ERBB4: variants seen among roughly 807,000 people sequenced by gnomAD.
ERBB4 encodes the protein erb-b2 receptor tyrosine kinase 4.
ERBB4 carries 42 observed loss-of-function variants against 158.0 expected under a neutral mutation model. That is an observed-to-expected ratio of 0.27 (90% CI 0.21 to 0.34). ERBB4 has a LOEUF of 0.34. Among genes scored for constraint, ERBB4 ranks in the 10% least tolerant of loss-of-function variants. The pLI, the probability that ERBB4 is intolerant of heterozygous loss-of-function variation, is 1.00. For missense variants in ERBB4, 1,333 were observed against 1,624.1 expected, an observed-to-expected ratio of 0.82 and a Z score of 3.08; for synonymous variants, 583 against 558.7, an observed-to-expected ratio of 1.04 and a Z score of -0.61.
intron 1 of ERBB4, among the ~76,000 whole-genome samples, chr2:212,129,173 A>C (rs2125581359): frequency 6.6e-6 from 1 of 151,812 alleles, no homozygotes; most frequent in Non-Finnish European, 1.5e-5. Context: ...ACACATTGCA[A>C]CCTATATATA....
At chr2:212,024,257 G>A (rs2076723134) in intron 2 of ERBB4, among the ~76,000 whole-genome samples, 1 of 151,710 alleles carries the variant, frequency 6.6e-6, no homozygotes, top group African/African-American at 2.4e-5. Context: ...CTATACCTCT[G>A]TCCCCCTTCT....
chr2:211,661,757 C>T (rs1332495412), intron 15 of ERBB4, among the ~76,000 whole-genome samples: 4 of 151,596 alleles, frequency 2.6e-5, no homozygotes, highest in Admixed American at 6.6e-5. Context: ...GATTAAGGTA[C>T]GGCCGGGCGC....
At position 211,707,820 on chromosome 2, in the gene ERBB4, ATAT is replaced by A. The variant is rs1197002930; in HGVS notation, c.1125-2432_1125-2430del. On this transcript the variant is annotated intron_variant, in intron 9 of 27. Transcript: ENST00000342788. ...AATTAACTTTCTTGAGCCTAATTAT[ATAT>A]TAAAATTTTAATTGATGAATTGCCA... Among the ~76,000 whole-genome samples, 3 of 152,180 alleles carry A rather than the reference ATAT, an allele frequency of 2.0e-5. No homozygotes were observed. In the East Asian group the frequency reaches 5.8e-4, roughly 29 times the overall value.
intron 1 of ERBB4, among the ~76,000 whole-genome samples, chr2:212,382,295 C>T (rs2090529861): frequency 6.7e-6 from 1 of 150,012 alleles, no homozygotes; most frequent in Non-Finnish European, 1.5e-5. Flanking sequence ...CACATGTATA[C>T]ATATTCATAT....
chr2:212,536,537 C>T (rs1399156865), intron 1 of ERBB4, among the ~76,000 whole-genome samples: 1 of 152,148 alleles, frequency 6.6e-6, no homozygotes, highest in African/African-American at 2.4e-5. Context: ...CGCTAATCCT[C>T]GCGCTCTAAA....
intron 3 of ERBB4, among the ~76,000 whole-genome samples, chr2:211,817,605 A>G (rs980242829): frequency 6.6e-6 from 1 of 152,142 alleles, no homozygotes; most frequent in Non-Finnish European, 1.5e-5. Flanking sequence ...CCTGTCTTCT[A>G]CAGTAATGGA....
intron 20 of ERBB4, among the ~76,000 whole-genome samples, chr2:211,482,523 A>G (rs1349790095): frequency 6.6e-6 from 1 of 152,234 alleles, no homozygotes. Context: ...CTAACTTTCA[A>G]CAAGTCAAAA....
chr2:212,467,927 C>T (rs1161143324), intron 1 of ERBB4, among the ~76,000 whole-genome samples: 3 of 152,210 alleles, frequency 2.0e-5, no homozygotes, highest in African/African-American at 7.2e-5. Flanking sequence ...GAATCTACCT[C>T]TTGCATCAGC....
At chr2:212,326,451 T>C (rs1485131050) in intron 1 of ERBB4, among the ~76,000 whole-genome samples, 1 of 150,684 alleles carries the variant, frequency 6.6e-6, no homozygotes, top group East Asian at 1.9e-4. Flanking sequence ...AAATATTTGG[T>C]GAATTACTTA....
chr2:212,119,088 G>A (rs1036674871), intron 2 of ERBB4, among the ~76,000 whole-genome samples: 2 of 151,844 alleles, frequency 1.3e-5, no homozygotes, highest in Non-Finnish European at 2.9e-5. Context: ...AATGAATTAC[G>A]ATATTGTAAC....
intron 25 of ERBB4, among the ~76,000 whole-genome samples, chr2:211,417,468 T>C (rs1339177070): frequency 6.6e-6 from 1 of 152,124 alleles, no homozygotes; most frequent in African/African-American, 2.4e-5. Flanking sequence ...AGTGAGATCC[T>C]GTCTCAAAAA....
At chr2:211,977,245 A>T (rs2081635825) in intron 2 of ERBB4, among the ~76,000 whole-genome samples, 1 of 152,116 alleles carries the variant, frequency 6.6e-6, no homozygotes, top group Admixed American at 6.5e-5. Flanking sequence ...CTCAACACAG[A>T]GTTAAGTTGG....
At chr2:211,893,529 G>A (rs1407514801) in intron 3 of ERBB4, among the ~76,000 whole-genome samples, 1 of 141,774 alleles carries the variant, frequency 7.1e-6, no homozygotes, top group Non-Finnish European at 1.5e-5. Context: ...AACACCAAAA[G>A]CAATGGCAAC....
chr2:212,337,932 G>A (rs1017059863), intron 1 of ERBB4, among the ~76,000 whole-genome samples: 4 of 151,982 alleles, frequency 2.6e-5, no homozygotes, highest in African/African-American at 9.7e-5. Context: ...AATCTTCTCC[G>A]GGGACTACAG....
intron 2 of ERBB4, among the ~76,000 whole-genome samples, chr2:212,030,794 C>A (rs2076885264): frequency 6.6e-6 from 1 of 152,088 alleles, no homozygotes; most frequent in African/African-American, 2.4e-5. Flanking sequence ...GCATTTCTGG[C>A]TGCCCCAATT....
At chr2:211,531,570 A>G (rs983528843) in intron 20 of ERBB4, among the ~76,000 whole-genome samples, 3 of 152,180 alleles carry the variant, frequency 2.0e-5, no homozygotes, top group Non-Finnish European at 4.4e-5. Context: ...GCTCAACATC[A>G]TTGATCAACA....
At chr2:212,370,478 A>G (rs1259232918) in intron 1 of ERBB4, among the ~76,000 whole-genome samples, 1 of 152,206 alleles carries the variant, frequency 6.6e-6, no homozygotes. Flanking sequence ...AGTTGGATAT[A>G]TAAGGGAACA....
chr2:211,612,737 T>G (rs1250098486), intron 19 of ERBB4, among the ~76,000 whole-genome samples: 1 of 152,020 alleles, frequency 6.6e-6, no homozygotes, highest in Non-Finnish European at 1.5e-5. Flanking sequence ...AGCTTTGTAT[T>G]AAAAAGTAGG....
intron 3 of ERBB4, among the ~76,000 whole-genome samples, chr2:211,884,618 C>T (rs2078746894): frequency 6.6e-6 from 1 of 152,120 alleles, no homozygotes; most frequent in Non-Finnish European, 1.5e-5. Flanking sequence ...TAAAGGTGCC[C>T]ATTTCCCACA....
Sources: gnomAD v4.1 joint callset for allele counts (sites outside exome capture counted in the v4.1 genomes callset) on GRCh38, gnomAD v4.1.1 for gene constraint, MANE v1.5 for transcripts, NCBI Gene and HGNC (gene_info 2026-07-23, HGNC 2026-07-21) for gene names.